GATAD2B: variants seen among roughly 807,000 people sequenced by gnomAD.
GATAD2B encodes GATA zinc finger domain containing 2B, also known as transcriptional repressor p66-beta.
In GATAD2B, 8 loss-of-function variants were observed where a neutral mutation model predicts 64.3. The observed-to-expected ratio is 0.12, with a 90% CI of 0.07 to 0.22. The LOEUF (loss-of-function observed/expected upper bound fraction) is 0.22. Among genes scored for constraint, GATAD2B ranks in the 10% least tolerant of loss-of-function variants. The probability of loss-of-function intolerance (pLI) is 1.00; values close to 1 mark genes in which losing one functional copy is unlikely to be tolerated. For synonymous variants in GATAD2B, 281 were observed against 271.3 expected (o/e 1.04, Z -0.35); for missense variants, 453 against 752.0 (o/e 0.60, Z 4.65).
At chr1:153,857,137 C>CATATATATATAT (rs10563350) in intron 1 of GATAD2B, among the ~76,000 whole-genome samples, 5 of 98,248 alleles carry the variant, frequency 5.1e-5, no homozygotes, top group African/African-American at 1.9e-4. Flanking sequence ...TATGCATATG[C>CATATATATATAT]ATATATATAT....
intron 3 of GATAD2B, among the ~76,000 whole-genome samples, chr1:153,819,178 G>A (rs1219419815): frequency 6.6e-6 from 1 of 152,194 alleles, no homozygotes; most frequent in Non-Finnish European, 1.5e-5. Context: ...AAAGAAGAAT[G>A]ACTAAAGAGA....
intron 6 of GATAD2B, among the ~76,000 whole-genome samples, chr1:153,817,148 T>A (rs906472491): frequency 3.3e-5 from 5 of 152,224 alleles, no homozygotes; most frequent in Admixed American, 1.3e-4. Context: ...GATTTTTAGC[T>A]TACTGCTGCT....
At position 153,816,157 on chromosome 1, in the gene GATAD2B, G is replaced by C; in HGVS notation, c.1216+116C>G. On this transcript the variant is annotated intron_variant, in intron 7 of 10. Coordinates refer to ENST00000368655, the MANE Select transcript of GATAD2B (RefSeq NM_020699.4). The surrounding 1 kb of genome is among the most constrained non-coding windows in gnomAD (Gnocchi z 4.9). ...TGTAAAGAAGGGAGGGAGGTGGTTT[G>C]GTAACAGGAAGGAGAAGTTATTTAA... The C allele has an allele frequency of 1.5e-6, 1 of 677,798 alleles. No homozygotes were observed. Among genetic ancestry groups the C allele is most frequent in the South Asian group, 1.8e-5 (1 of 54,528 alleles). The allele number at this position is 677,798 out of a possible 1,614,324, so 42.0% of individuals were successfully genotyped here.
At chr1:153,919,713 T>C (rs1268259921) in intron 1 of GATAD2B, among the ~76,000 whole-genome samples, 1 of 152,240 alleles carries the variant, frequency 6.6e-6, no homozygotes, top group Non-Finnish European at 1.5e-5. Flanking sequence ...CTATGTGGTA[T>C]TGTCTGATAG....
chr1:153,828,083 T>G lies in GATAD2B; in HGVS notation c.265A>C (p.Asn89His). 6.2e-7 allele frequency: 1 copy of G among 1,614,218 alleles called. No homozygotes were observed. Among genetic ancestry groups the G allele is most frequent in the Non-Finnish European group, 8.5e-7 (1 of 1,180,044 alleles). ...TTGCCTGGCCTTCCAGCAGTCCTGT[T>G]GTCTCCATGAGGCCTGAGATTCCCG... The part of the protein sequence containing the change: ...LNGNLRPHGD[N>H]RTAGRPGKEN... Residue 89 changes from asparagine to histidine, a missense_variant, in exon 2 of 11, where the codon AAC becomes CAC. Asn to His is a moderately conservative substitution (Grantham distance 68, BLOSUM62 1). Around this residue, in one of 2 missense-constraint regions of GATAD2B, gnomAD observed 293 missense variants for 417.2 expected, o/e 0.70. Transcript: ENST00000368655.
rs756129266 is a variant in GATAD2B, at chr1:153,828,298, C to G, written c.50G>C (p.Ser17Thr). ...ATCTCGCTCATCTGCTGGGTCCAAGCTCCGCTTCAACAGATTCAAGCGAAG... is the reference window on the plus strand; with the variant it reads ...ATCTCGCTCATCTGCTGGGTCCAAGGTCCGCTTCAACAGATTCAAGCGAAG... ...DALRLNLLKRSLDPADERDDV... is the reference protein window; with the variant it reads ...DALRLNLLKRTLDPADERDDV... The change falls in exon 2 of 11, where the codon AGC becomes ACC. Residue 17 changes from serine (S) to threonine (T), a missense_variant. This residue lies in a region of GATAD2B where 293 missense variants were observed against 417.2 expected (regional missense o/e 0.70). Coordinates refer to ENST00000368655, the MANE Select transcript of GATAD2B (RefSeq NM_020699.4). The G allele has an allele frequency of 4.3e-6, 7 of 1,613,412 alleles. No individual in the cohort carries two copies. Among genetic ancestry groups the G allele is most frequent in the Non-Finnish European group, 5.1e-6 (6 of 1,180,042 alleles).
chr1:153,811,190 C>T (rs921833864), intron 10 of GATAD2B, among the ~76,000 whole-genome samples: 7 of 152,156 alleles, frequency 4.6e-5, no homozygotes, highest in African/African-American at 1.7e-4. Flanking sequence ...TGTGAGCCAC[C>T]GCGCCCTGCA....
At chr1:153,903,742 G>C (rs899757755) in intron 1 of GATAD2B, among the ~76,000 whole-genome samples, 1 of 152,156 alleles carries the variant, frequency 6.6e-6, no homozygotes, top group Non-Finnish European at 1.5e-5. Flanking sequence ...CCAGCACTTC[G>C]AGAGGCTGAG....
chr1:153,900,153 C>G (rs1163253912), intron 1 of GATAD2B, among the ~76,000 whole-genome samples: 1 of 152,102 alleles, frequency 6.6e-6, no homozygotes, highest in East Asian at 1.9e-4. Context: ...GTGAGTGGCT[C>G]ATGCCTGTAA....
chr1:153,863,940 T>G (rs1281511345), intron 1 of GATAD2B, among the ~76,000 whole-genome samples: 1 of 152,194 alleles, frequency 6.6e-6, no homozygotes. Context: ...ATCCTGTTTT[T>G]CTTCATGCAA....
At chr1:153,840,484 T>A (rs1343316545) in intron 1 of GATAD2B, among the ~76,000 whole-genome samples, 2 of 151,916 alleles carry the variant, frequency 1.3e-5, no homozygotes, top group Non-Finnish European at 2.9e-5. Context: ...ATTACAGGCA[T>A]GCGCCACCAC....
chr1:153,922,390 G>A (rs1019125262), intron 1 of GATAD2B, among the ~76,000 whole-genome samples: 20 of 151,342 alleles, frequency 1.3e-4, no homozygotes, highest in African/African-American at 4.9e-4. Context: ...CGGGGCGTGA[G>A]GGAGGGGAGA....
chr1:153,862,796 CT>C (rs1361459934), intron 1 of GATAD2B, among the ~76,000 whole-genome samples: 2 of 147,944 alleles, frequency 1.4e-5, no homozygotes, highest in Admixed American at 6.8e-5. Context: ...GCAATCTCAG[CT>C]CACCACAACC....
chr1:153,815,281 A>AAAAAAAAAC (rs1674431092), intron 7 of GATAD2B, among the ~76,000 whole-genome samples: 1 of 75,576 alleles, frequency 1.3e-5, no homozygotes, highest in Non-Finnish European at 3.6e-5. Context: ...TCAAAAAAAC[A>AAAAAAAAAC]AAAAAAAAAA....
Position 153,818,029 on chromosome 1 carries a change from G to A in GATAD2B, c.729+11C>T. The A allele has an allele frequency of 6.3e-7, 1 of 1,585,970 alleles. No homozygotes were observed. Among genetic ancestry groups the A allele is most frequent in the Non-Finnish European group, 8.6e-7 (1 of 1,167,854 alleles). On this transcript the variant is annotated intron_variant, in intron 5 of 10. Transcript: ENST00000368655. ...CCCTCCAACACTAAGATCCCACTAT[G>A]GGTCACATACCTGTAATGTTCTCAA...
At chr1:153,898,357 G>T (rs1166186009) in intron 1 of GATAD2B, among the ~76,000 whole-genome samples, 1 of 141,670 alleles carries the variant, frequency 7.1e-6, no homozygotes, top group Non-Finnish European at 1.6e-5. Flanking sequence ...AAAACAAAAA[G>T]AAAAGAAAAA....
chr1:153,885,904 G>A (rs554719705), intron 1 of GATAD2B, among the ~76,000 whole-genome samples: 1 of 148,932 alleles, frequency 6.7e-6, no homozygotes, highest in South Asian at 2.1e-4. Flanking sequence ...ATCTAAAGAT[G>A]TACAACCTAG....
At chr1:153,906,438 A>G (rs1378664059) in intron 1 of GATAD2B, among the ~76,000 whole-genome samples, 1 of 152,170 alleles carries the variant, frequency 6.6e-6, no homozygotes, top group East Asian at 1.9e-4. Context: ...AAATTAACAC[A>G]AAATATTGTT....
chr1:153,871,387 T>G (rs1227034693), intron 1 of GATAD2B, among the ~76,000 whole-genome samples: 8 of 151,488 alleles, frequency 5.3e-5, no homozygotes, highest in Non-Finnish European at 1.0e-4. Context: ...GTATTTTTAG[T>G]AGAGATGGGG....
Sources: gnomAD v4.1 joint callset for allele counts (sites outside exome capture counted in the v4.1 genomes callset) on GRCh38, gnomAD v4.1.1 for gene constraint, gnomAD v4.1.1 regional missense constraint, Gnocchi (gnomAD v3.1) non-coding constraint, MANE v1.5 for transcripts, NCBI Gene and HGNC (gene_info 2026-07-23, HGNC 2026-07-21) for gene names.